The following NF1 variants were observed in gnomAD, a reference collection of about 807,000 sequenced individuals.
The protein encoded by NF1 is neurofibromin 1.
A neutral mutation model predicts 325.7 loss-of-function variants in NF1; 122 were observed. The observed-to-expected ratio is 0.37, with a 90% CI of 0.32 to 0.44. The LOEUF is 0.44. Among genes scored for constraint, NF1 ranks in the 20% least tolerant of loss-of-function variants. The probability of loss-of-function intolerance (pLI) is 1.00; values close to 1 mark genes in which losing one functional copy is unlikely to be tolerated. For synonymous variants in NF1, 1,091 were observed against 1,186.0 expected (o/e 0.92, Z 1.65); for missense variants, 2,140 against 3,415.4 (o/e 0.63, Z 9.31).
At chr17:31,219,269 C>A in intron 14 of NF1, 151 bp downstream of exon 14, 1 of 741,668 alleles carries the variant, frequency 1.3e-6, no homozygotes, top group Non-Finnish European at 2.2e-6. Context: ...TTATAAAACT[C>A]CATGGAGAAA....
intron 35 of NF1, among the ~76,000 whole-genome samples, chr17:31,262,082 T>C (rs560307231): frequency 1.1e-4 from 17 of 152,332 alleles, no homozygotes; most frequent in Non-Finnish European, 2.2e-4. Flanking sequence ...TATTTTATCA[T>C]CTTGCTTTCA....
chr17:31,105,359 C>T (rs1033378391), intron 1 of NF1, among the ~76,000 whole-genome samples: 1 of 152,200 alleles, frequency 6.6e-6, no homozygotes, highest in African/African-American at 2.4e-5. Context: ...TTTGCAGTAG[C>T]AGTAACTTGA....
chr17:31,131,253 C>G (rs953928985), intron 1 of NF1, among the ~76,000 whole-genome samples: 8 of 152,204 alleles, frequency 5.3e-5, no homozygotes, highest in African/African-American at 1.9e-4. Context: ...CTTCTCTAAG[C>G]AGCTTTCCCT....
At chr17:31,136,453 A>G (rs1447036255) in intron 1 of NF1, 1 of 152,180 alleles carries the variant, frequency 6.6e-6, no homozygotes, top group Non-Finnish European at 1.5e-5. Flanking sequence ...TGAAAATGTT[A>G]AATGGAAAAT....
chr17:31,174,390 G>T (rs745783832), intron 5 of NF1, among the ~76,000 whole-genome samples: 9 of 152,182 alleles, frequency 5.9e-5, no homozygotes, highest in Non-Finnish European at 1.0e-4. Flanking sequence ...CAACCCTAGT[G>T]AAAGGCAGCT....
chr17:31,218,420 T>G (rs2066860854), intron 13 of NF1, among the ~76,000 whole-genome samples: 2 of 152,152 alleles, frequency 1.3e-5, no homozygotes, highest in Admixed American at 1.3e-4. Flanking sequence ...AATTTTTATT[T>G]TATTGAGATA....
intron 36 of NF1, among the ~76,000 whole-genome samples, chr17:31,322,094 T>TACAC (rs71142046): frequency 0.042 from 6,261 of 147,338 alleles, 279 homozygotes; most frequent in African/African-American, 0.12. Context: ...AGTGTGTGTA[T>TACAC]ACACACACAC....
chr17:31,134,845 C>A (rs1043046083), intron 1 of NF1, among the ~76,000 whole-genome samples: 1 of 152,182 alleles, frequency 6.6e-6, no homozygotes, highest in African/African-American at 2.4e-5. Context: ...CACATTCTTT[C>A]ATGATCCTTA....
At chr17:31,202,092 G>A (rs866681636) in intron 11 of NF1, among the ~76,000 whole-genome samples, 5 of 152,138 alleles carry the variant, frequency 3.3e-5, no homozygotes, top group African/African-American at 9.7e-5. Flanking sequence ...AGGTACTTGC[G>A]AAACCTTCAA....
chr17:31,347,087 G>A (rs1044566158), intron 48 of NF1, among the ~76,000 whole-genome samples: 1 of 150,818 alleles, frequency 6.6e-6, no homozygotes, highest in African/African-American at 2.4e-5. Context: ...TCCTCAAAAA[G>A]CATGGGAAGT....
chr17:31,175,845 C>T (rs1225170491), intron 5 of NF1, among the ~76,000 whole-genome samples: 5 of 152,160 alleles, frequency 3.3e-5, no homozygotes, highest in African/African-American at 9.7e-5. Context: ...CTGCAAAGGA[C>T]GGGAACTTAT....
At chr17:31,192,882 C>T (rs1056569198) in intron 8 of NF1, among the ~76,000 whole-genome samples, 1 of 152,154 alleles carries the variant, frequency 6.6e-6, no homozygotes, top group Admixed American at 6.5e-5. Context: ...TTCCTAGACC[C>T]CTTAGGTAGG....
chr17:31,352,139 A>G, intron 50 of NF1, 118 bp from the exon 51 acceptor site: 1 of 943,338 alleles, frequency 1.1e-6, no homozygotes, highest in Non-Finnish European at 1.7e-6. Context: ...TTAAAGTGCA[A>G]TTTTAAAATT....
At chr17:31,260,346 C>T (rs768045335) in intron 33 of NF1, 23 bp from the exon 34 acceptor site, 8 of 1,612,658 alleles carry the variant, frequency 5.0e-6, no homozygotes, top group Non-Finnish European at 6.8e-6. Context: ...GTTGAAAATT[C>T]TAATGACTTT....
At chr17:31,318,935 C>T in intron 36 of NF1, 2 of 1,613,722 alleles carry the variant, frequency 1.2e-6, no homozygotes, top group Non-Finnish European at 1.7e-6. Flanking sequence ...GCTTTTGTTC[C>T]AGGAGACAAA....
intron 47 of NF1, 149 bp downstream of exon 47, chr17:31,340,794 C>G (rs1842621819): frequency 3.9e-6 from 3 of 761,502 alleles, no homozygotes; most frequent in Admixed American, 2.7e-5. Context: ...ATTTCCTTAC[C>G]AGCTCATAAA....
chr17:31,322,094 T>TACACACACACACACACAC lies in NF1; in HGVS notation c.4836-3708_4836-3691dup, dbSNP rs71142046. On this transcript the variant is annotated intron_variant, in intron 36 of 57. Coordinates refer to ENST00000358273, the MANE Select transcript of NF1 (RefSeq NM_001042492.3). Reference sequence around the variant, plus strand: ...GCTTTCGTGTGGTGTAGTGTGTGTATACACACACACACACACACACACACA... The same window carrying TACACACACACACACACAC: ...GCTTTCGTGTGGTGTAGTGTGTGTATACACACACACACACACACACACACACACACACACACACACACA... Among the ~76,000 whole-genome samples the TACACACACACACACACAC allele has an allele frequency of 5.5e-3, 807 of 147,398 alleles. 10 individuals are homozygous for TACACACACACACACACAC. Among genetic ancestry groups the TACACACACACACACACAC allele is most frequent in the African/African-American group, 0.018 (717 of 39,324 alleles).
intron 36 of NF1, 61 bp from the exon 37 acceptor site, chr17:31,325,759 C>A (rs2069323515): frequency 8.6e-7 from 1 of 1,161,134 alleles, no homozygotes; most frequent in Non-Finnish European, 1.3e-6. Flanking sequence ...TGATTAGTGG[C>A]ATCTGTATAT....
intron 57 of NF1, among the ~76,000 whole-genome samples, chr17:31,362,685 A>G (rs1278833472): frequency 2.0e-5 from 3 of 152,204 alleles, no homozygotes; most frequent in Admixed American, 1.3e-4. Flanking sequence ...AGTCTGCTTC[A>G]TCTTAACCAA....
Sources: gnomAD v4.1 joint callset for allele counts (sites outside exome capture counted in the v4.1 genomes callset) on GRCh38, gnomAD v4.1.1 for gene constraint, MANE v1.5 for transcripts, NCBI Gene and HGNC (gene_info 2026-07-23, HGNC 2026-07-21) for gene names.